The following RBP2 variants were observed in gnomAD, a reference collection of about 807,000 sequenced individuals.
RBP2 encodes the protein retinol-binding protein 2.
Under a neutral mutation model 17.0 loss-of-function variants are expected in RBP2, and 17 were observed. That is an observed-to-expected ratio of 1.00 (90% CI 0.68 to 1.50). The LOEUF is 1.50. Ranked by LOEUF, RBP2 falls within the 40% of genes most tolerant of loss-of-function variation. RBP2 has a pLI of 0.00. For synonymous variants in RBP2, 48 were observed against 57.1 expected (o/e 0.84, Z 0.72); for missense variants, 158 against 168.2 (o/e 0.94, Z 0.33).
chr3:139,459,763 G>A lies in RBP2; in HGVS notation c.252+2349C>T, dbSNP rs180931656. Among the ~76,000 whole-genome samples, 673 of 151,920 alleles carry A rather than the reference G, an allele frequency of 4.4e-3. 7 individuals are homozygous for A. The highest frequency in any genetic ancestry group is 0.016 in the African/African-American group (654 of 41,438). ...CTGCTCTGCATGGTGATTCTCATGG[G>A]AATGGCCCATTGTTGGAGGCTGGGC... On this transcript the variant is annotated intron_variant, in intron 2 of 3. Transcript: ENST00000232217.
intron 2 of RBP2, among the ~76,000 whole-genome samples, chr3:139,455,203 A>G (rs535266215): frequency 2.0e-5 from 3 of 152,242 alleles, no homozygotes; most frequent in Non-Finnish European, 2.9e-5. Flanking sequence ...GGGGAAAATG[A>G]TAACATATCA....
At chr3:139,456,624 G>A (rs971494848) in intron 2 of RBP2, among the ~76,000 whole-genome samples, 1 of 152,206 alleles carries the variant, frequency 6.6e-6, no homozygotes, top group Non-Finnish European at 1.5e-5. Context: ...GCATATGTCT[G>A]TACATGTTTC....
intron 1 of RBP2, among the ~76,000 whole-genome samples, chr3:139,473,241 A>G (rs569470793): frequency 2.0e-5 from 3 of 152,138 alleles, no homozygotes; most frequent in African/African-American, 7.2e-5. Context: ...CACCTTTTGA[A>G]CTCTTAATGA....
chr3:139,455,517 GGGGAT>G (rs1320603319), intron 2 of RBP2, among the ~76,000 whole-genome samples: 1 of 152,160 alleles, frequency 6.6e-6, no homozygotes, highest in African/African-American at 2.4e-5. Context: ...CAGGGCACAT[GGGGAT>G]ATAAATTGGT....
intron 2 of RBP2, among the ~76,000 whole-genome samples, chr3:139,459,372 A>G (rs758963502): frequency 7.2e-6 from 1 of 139,644 alleles, no homozygotes; most frequent in Non-Finnish European, 1.5e-5. Context: ...CCTGACCAAC[A>G]TGGTGAAACC....
At position 139,462,287 on chromosome 3, in the gene RBP2, A is replaced by G. The variant is rs142756165; in HGVS notation, c.77T>C (p.Ile26Thr). The G allele has an allele frequency of 6.1e-5, 98 of 1,614,070 alleles. No homozygotes were observed. The African/African-American group carries it at 1.0e-3, about 17-fold the overall frequency. The change falls in exon 2 of 4, where the codon ATT (isoleucine) becomes ACT (threonine). Residue 26 changes from isoleucine (I) to threonine (T), a missense_variant. Transcript: ENST00000232217. The stretch of plus-strand genomic sequence containing the variant: ...TGCAATCTTGCGGGTGGCAAAATCA[A>G]TATCTGTTGGCAAAGGGAGTTGTGG... ...NFEGYMKALDIDFATRKIAVR... is the reference protein window; with the variant it reads ...NFEGYMKALDTDFATRKIAVR...
chr3:139,470,188 C>T (rs1017263605), intron 1 of RBP2, among the ~76,000 whole-genome samples: 2 of 152,166 alleles, frequency 1.3e-5, no homozygotes, highest in Non-Finnish European at 2.9e-5. Context: ...GGTACCTCCC[C>T]ACCAAAACTC....
intron 1 of RBP2, among the ~76,000 whole-genome samples, chr3:139,463,565 T>G (rs1053974682): frequency 6.6e-6 from 1 of 152,200 alleles, no homozygotes; most frequent in Non-Finnish European, 1.5e-5. Context: ...CGAAGGAGTG[T>G]TGAATGTCCT....
intron 3 of RBP2, 93 bp from the exon 4 acceptor site, chr3:139,453,259 G>C: frequency 7.2e-7 from 1 of 1,393,776 alleles, no homozygotes; most frequent in Non-Finnish European, 1.0e-6. Context: ...TGGGAGGTTG[G>C]AATAAAGAGG....
rs1188633097 is a variant in RBP2 at position 139,452,906 on chromosome 3, G to A, written c.*210C>T. ...ATATAAAGGGTTTCAAAATATGGGA[G>A]TAATTTTTGTTTTTCCATTTAATGC... On this transcript the variant is annotated 3_prime_UTR_variant, in exon 4 of 4. Coordinates refer to ENST00000232217, the MANE Select transcript of RBP2 (RefSeq NM_004164.3). The A allele has an allele frequency of 1.7e-6, 1 of 580,532 alleles. No homozygotes were observed. 36.0% of individuals were successfully genotyped at this position (580,532 alleles called of 1,614,324 possible). A position where few individuals can be genotyped will look rare whatever the true frequency, so the allele number is the denominator to read the frequency against.
At position 139,453,100 on chromosome 3, in the gene RBP2, G is replaced by A. The variant is rs1452403464; in HGVS notation, c.*16C>T. ...GCAGTGGGGAGCTTGTGCTTGGCAG[G>A]CCTCCCACGTCGCCATCATTTCTTT... On this transcript the variant is annotated 3_prime_UTR_variant, in exon 4 of 4. Coordinates refer to ENST00000232217, the MANE Select transcript of RBP2 (RefSeq NM_004164.3). 4 of 1,613,948 alleles carry A rather than the reference G, an allele frequency of 2.5e-6. No homozygotes were observed. The East Asian group carries it at 6.7e-5, about 27-fold the overall frequency.
intron 2 of RBP2, among the ~76,000 whole-genome samples, chr3:139,457,781 G>C (rs1449745220): frequency 6.6e-6 from 1 of 152,170 alleles, no homozygotes; most frequent in Non-Finnish European, 1.5e-5. Context: ...TTCTTTCTCA[G>C]CTAGGGGATA....
rs182562732 is a variant in RBP2 at position 139,455,785 on chromosome 3, G to A, written c.253-955C>T. On this transcript the variant is annotated intron_variant, in intron 2 of 3. Coordinates refer to ENST00000232217, the MANE Select transcript of RBP2 (RefSeq NM_004164.3). ...TCTGGTTCTTGGGTTCCTCCCAGCA[G>A]CAATGCCAACTGGTTAATAGCACAG... 2.1e-4 allele frequency among the ~76,000 whole-genome samples: 32 copies of A among 152,278 alleles called. 2 individuals carry two copies. In the East Asian group the frequency reaches 6.0e-3, roughly 28 times the overall value.
intron 2 of RBP2, among the ~76,000 whole-genome samples, chr3:139,460,327 G>A (rs145288561): frequency 1.3e-5 from 2 of 152,118 alleles, no homozygotes; most frequent in East Asian, 3.9e-4. Flanking sequence ...ACATTCCAGG[G>A]CCCAGAATCA....
At chr3:139,470,397 A>G (rs952743037) in intron 1 of RBP2, among the ~76,000 whole-genome samples, 2 of 151,982 alleles carry the variant, frequency 1.3e-5, no homozygotes, top group Non-Finnish European at 2.9e-5. Flanking sequence ...GCCCTAGCCC[A>G]AGCCATGGTC....
intron 3 of RBP2, among the ~76,000 whole-genome samples, 188 bp downstream of exon 3, chr3:139,454,541 A>G (rs550615974): frequency 6.6e-6 from 1 of 152,364 alleles, no homozygotes; most frequent in East Asian, 1.9e-4. Context: ...AGAAACAGCC[A>G]TATAGATTTC....
intron 1 of RBP2, among the ~76,000 whole-genome samples, chr3:139,462,756 C>T (rs925052868): frequency 8.5e-5 from 13 of 152,150 alleles, no homozygotes; most frequent in South Asian, 2.1e-4. Context: ...ATGTCCACAG[C>T]GGGGAGGGAT....
intron 2 of RBP2, among the ~76,000 whole-genome samples, chr3:139,455,316 GCTTA>G (rs1203511888): frequency 6.6e-6 from 1 of 152,164 alleles, no homozygotes; most frequent in Non-Finnish European, 1.5e-5. Context: ...TGAACCAACA[GCTTA>G]CAAGGGGGAG....
At position 139,453,139 on chromosome 3, in the gene RBP2, G is replaced by A. The variant is rs1314223275; in HGVS notation, c.382C>T (p.Arg128Cys). The change falls in exon 4 of 4, where the codon CGT (arginine) becomes TGT (cysteine). Residue 128 changes from arginine (R) to cysteine (C), a missense_variant. Coordinates refer to ENST00000232217, the MANE Select transcript of RBP2 (RefSeq NM_004164.3). ...LELTCGDQVC[R>C]QVFKKK ...CATCATTTCTTTTTGAACACTTGAC[G>A]GCACACCTGGTCACCACAGGTCAGC... 5 of 1,613,992 alleles carry A rather than the reference G, an allele frequency of 3.1e-6. No homozygotes were observed. The highest frequency in any genetic ancestry group is 2.2e-5 in the East Asian group (1 of 44,888).
Sources: allele counts gnomAD v4.1 joint callset (sites outside exome capture counted in the v4.1 genomes callset), GRCh38; gene constraint gnomAD v4.1.1; transcripts MANE v1.5; gene names NCBI Gene and HGNC (gene_info 2026-07-23, HGNC 2026-07-21).